TRDMT1: variants seen among roughly 807,000 people sequenced by gnomAD.
TRDMT1 encodes tRNA (cytosine(38)-C(5))-methyltransferase.
A neutral mutation model predicts 51.2 loss-of-function variants in TRDMT1; 49 were observed. That is an observed-to-expected ratio of 0.96 (90% CI 0.76 to 1.21). The LOEUF (loss-of-function observed/expected upper bound fraction) is 1.21. Ranked by LOEUF, TRDMT1 falls within the 50% of genes most tolerant of loss-of-function variation. TRDMT1 has a pLI of 0.00. For missense variants in TRDMT1, 534 were observed against 462.3 expected, an observed-to-expected ratio of 1.16 and a Z score of -1.42; for synonymous variants, 187 against 164.6, an observed-to-expected ratio of 1.14 and a Z score of -1.04.
At chr10:17,163,361 T>C (rs1840695193) in intron 3 of TRDMT1, among the ~76,000 whole-genome samples, 1 of 149,998 alleles carries the variant, frequency 6.7e-6, no homozygotes, top group African/African-American at 2.4e-5. Context: ...AGGACCAGGG[T>C]TCAAAAGCAT....
At chr10:17,181,275 T>C (rs1330660487) in intron 1 of TRDMT1, among the ~76,000 whole-genome samples, 1 of 152,154 alleles carries the variant, frequency 6.6e-6, no homozygotes, top group Non-Finnish European at 1.5e-5. Context: ...ATGTAATGAC[T>C]TGAGCTCCGT....
At position 17,157,684 on chromosome 10, in the gene TRDMT1, C is replaced by G; in HGVS notation, c.644G>C (p.Ser215Thr). 1 of 1,613,076 alleles carries G rather than the reference C, an allele frequency of 6.2e-7. No homozygotes were observed. The highest frequency in any genetic ancestry group is 1.1e-5 in the South Asian group (1 of 91,000). ...IQEKNVEPNI[S>T]FDGSIQCSGK... ...AGAACACTGTATGCTGCCATCAAAG[C>G]TAATATTTGGTTCAACGTTCTTTTC... Residue 215 changes from serine (S) to threonine (T), a missense_variant, in exon 8 of 11, where the codon AGC becomes ACC. By Grantham distance (58) the Ser-to-Thr change is moderately conservative. Coordinates refer to ENST00000377799, the MANE Select transcript of TRDMT1 (RefSeq NM_004412.7).
intron 1 of TRDMT1, among the ~76,000 whole-genome samples, chr10:17,193,231 C>T (rs555628475): frequency 1.1e-4 from 16 of 152,170 alleles, no homozygotes; most frequent in East Asian, 1.9e-4. Flanking sequence ...GGCATGGTGG[C>T]GCATGCCTGT....
At chr10:17,193,245 C>T (rs1844939287) in intron 1 of TRDMT1, among the ~76,000 whole-genome samples, 1 of 152,258 alleles carries the variant, frequency 6.6e-6, no homozygotes, top group East Asian at 1.9e-4. Context: ...TGCCTGTAGT[C>T]CCAGCTACCC....
chr10:17,196,691 T>C (rs1265066099), intron 1 of TRDMT1, among the ~76,000 whole-genome samples: 1 of 152,200 alleles, frequency 6.6e-6, no homozygotes, highest in Non-Finnish European at 1.5e-5. Context: ...CTATGTTTCC[T>C]GTGTTTGAAA....
intron 2 of TRDMT1, chr10:17,169,212 T>A: frequency 3.1e-6 from 2 of 652,450 alleles, no homozygotes; most frequent in South Asian, 2.2e-5. Flanking sequence ...ACACCTCAAG[T>A]GTAACACTGC....
intron 2 of TRDMT1, among the ~76,000 whole-genome samples, chr10:17,171,111 ATG>A (rs66891484): frequency 9.8e-5 from 14 of 142,920 alleles, no homozygotes; most frequent in South Asian, 4.5e-4. Context: ...CTGGATTTAG[ATG>A]TGTGTGTGTG....
chr10:17,160,355 T>C lies in TRDMT1; in HGVS notation c.409A>G (p.Ile137Val), dbSNP rs370788954. Residue 137 changes from isoleucine to valine, a missense_variant, in exon 6 of 11, where the codon ATA becomes GTA. Physicochemically the swap from Ile to Val is conservative, Grantham distance 29 (BLOSUM62 3). Coordinates refer to ENST00000377799, the MANE Select transcript of TRDMT1 (RefSeq NM_004412.7). ...SSTRDLLIQT[I>V]ENCGFQYQEF... ...TGGTACTGAAAGCCACAATTTTCTA[T>C]TGTTTGTATCAAGAGGTCTCTAAAA... 20 of 1,563,802 alleles carry C rather than the reference T, an allele frequency of 1.3e-5. No individual in the cohort carries two copies. The highest frequency in any genetic ancestry group is 1.1e-4 in the African/African-American group (8 of 72,820).
At chr10:17,185,383 C>A (rs936285187) in intron 1 of TRDMT1, among the ~76,000 whole-genome samples, 1 of 151,642 alleles carries the variant, frequency 6.6e-6, no homozygotes, top group African/African-American at 2.4e-5. Flanking sequence ...CCATCTCACA[C>A]CAGTTAGAAT....
At chr10:17,172,249 A>G (rs1480503310) in intron 2 of TRDMT1, among the ~76,000 whole-genome samples, 1 of 152,240 alleles carries the variant, frequency 6.6e-6, no homozygotes, top group Non-Finnish European at 1.5e-5. Context: ...GAGGAATGAA[A>G]GCAGAAATTA....
chr10:17,171,128 T>TGTGTGC (rs1841936642), intron 2 of TRDMT1, among the ~76,000 whole-genome samples: 1 of 151,838 alleles, frequency 6.6e-6, no homozygotes. Context: ...TGTGTGTGTG[T>TGTGTGC]GTGTGTGTGT....
rs768512484 is a variant in TRDMT1 at position 17,162,239 on chromosome 10, T to G, written c.252-2A>C. On this transcript the variant is annotated splice_acceptor_variant, in intron 3 of 10. Transcript: ENST00000377799. LOFTEE classifies it high-confidence loss of function. ...GTCATATCACCCTGCCGGCCAATCC[T>G]AAAGGGGTAAAAAAAAAAAAAAACA... 1 of 1,478,984 alleles carries G rather than the reference T, an allele frequency of 6.8e-7. No individual in the cohort carries two copies. The highest frequency in any genetic ancestry group is 8.9e-7 in the Non-Finnish European group (1 of 1,118,090). 91.6% of individuals were successfully genotyped at this position (1,478,984 alleles called of 1,614,324 possible). A position where few individuals can be genotyped will look rare whatever the true frequency, so the allele number is the denominator to read the frequency against.
At chr10:17,174,792 G>C in intron 1 of TRDMT1, 132 bp from the exon 2 acceptor site, 1 of 724,868 alleles carries the variant, frequency 1.4e-6, no homozygotes, top group East Asian at 2.7e-5. Flanking sequence ...ACTGTCAGTG[G>C]AAGGTCAGGC....
rs1440051980 is a variant in TRDMT1 at position 17,143,496 on chromosome 10, T to G, written c.*5544A>C. Reference sequence around the variant, plus strand: ...CATTCAGTGTTTTCAGTCATTTTTTTCACATGTGAAATTTAACTGGACTTG... The same window carrying G: ...CATTCAGTGTTTTCAGTCATTTTTTGCACATGTGAAATTTAACTGGACTTG... On this transcript the variant is annotated 3_prime_UTR_variant, in exon 11 of 11. Coordinates refer to ENST00000377799, the MANE Select transcript of TRDMT1 (RefSeq NM_004412.7). The G allele has an allele frequency of 1.0e-6, 1 of 985,348 alleles. No individual in the cohort carries two copies. The highest frequency in any genetic ancestry group is 1.2e-6 in the Non-Finnish European group (1 of 829,944). The allele number at this position is 985,348 out of a possible 1,614,324, so 61.0% of individuals were successfully genotyped here. A position where few individuals can be genotyped will look rare whatever the true frequency, so the allele number is the denominator to read the frequency against.
chr10:17,140,709 T>C lies in TRDMT1; in HGVS notation c.*8331A>G, dbSNP rs1027106309. On this transcript the variant is annotated 3_prime_UTR_variant, in exon 11 of 11. Transcript: ENST00000377799. Reference sequence around the variant, plus strand: ...ATTTTAAATGATAAAACTAATATTATGCCACATTGATGAAAACAAAAACAA... The same window carrying C: ...ATTTTAAATGATAAAACTAATATTACGCCACATTGATGAAAACAAAAACAA... 2.2e-5 allele frequency among the ~76,000 whole-genome samples: 3 copies of C among 138,190 alleles called. No homozygotes were observed. Among genetic ancestry groups the C allele is most frequent in the African/African-American group, 8.3e-5 (3 of 36,310 alleles). The allele number at this position is 138,190 out of a possible 152,430, so 90.7% of individuals were successfully genotyped here.
chr10:17,149,197 G>T (rs1588694577), intron 10 of TRDMT1, 57 bp from the exon 11 acceptor site: 1 of 1,382,234 alleles, frequency 7.2e-7, no homozygotes, highest in Non-Finnish European at 1.0e-6. Flanking sequence ...TTCCAGAGAT[G>T]AAAGGATGTA....
In TRDMT1 at chr10:17,146,516, T is replaced by C. The variant is rs1838123879; in HGVS notation, c.*2524A>G. The C allele has an allele frequency of 2.0e-6, 2 of 985,144 alleles. No homozygotes were observed. Among genetic ancestry groups the C allele is most frequent in the South Asian group, 9.4e-5 (2 of 21,282 alleles). 61.0% of individuals were successfully genotyped at this position (985,144 alleles called of 1,614,324 possible). On this transcript the variant is annotated 3_prime_UTR_variant, in exon 11 of 11. Coordinates refer to ENST00000377799, the MANE Select transcript of TRDMT1 (RefSeq NM_004412.7). ...TTACATTAATTGATTTGGTCATCTC[T>C]TAGAATTAGTTTTGGATCCTGAAGA...
In TRDMT1 at chr10:17,144,741, A is replaced by G. The variant is rs1243473464; in HGVS notation, c.*4299T>C. 1 of 985,312 alleles carries G rather than the reference A, an allele frequency of 1.0e-6. No homozygotes were observed. The highest frequency in any genetic ancestry group is 1.7e-5 in the African/African-American group (1 of 57,256). The allele number at this position is 985,312 out of a possible 1,614,324, so 61.0% of individuals were successfully genotyped here. A position where few individuals can be genotyped will look rare whatever the true frequency, so the allele number is the denominator to read the frequency against. ...GTGTAAGATTTTGAAGAGCATGAGT[A>G]CCTTAAAATGTTCCTAGACAGCCTA... is the stretch of plus-strand genomic sequence containing the variant. On this transcript the variant is annotated 3_prime_UTR_variant, in exon 11 of 11. Coordinates refer to ENST00000377799, the MANE Select transcript of TRDMT1 (RefSeq NM_004412.7).
intron 1 of TRDMT1, among the ~76,000 whole-genome samples, chr10:17,192,959 C>T (rs954517752): frequency 2.0e-5 from 3 of 152,158 alleles, no homozygotes; most frequent in Non-Finnish European, 2.9e-5. Context: ...ACTGAGTGGG[C>T]AAATGATGGA....
Sources: gnomAD v4.1 joint callset for allele counts (sites outside exome capture counted in the v4.1 genomes callset) on GRCh38, gnomAD v4.1.1 for gene constraint, MANE v1.5 for transcripts, NCBI Gene and HGNC (gene_info 2026-07-23, HGNC 2026-07-21) for gene names.